Variants in SPOCK3 observed in about 807,000 individuals in gnomAD.
SPOCK3 encodes the protein SPARC (osteonectin), cwcv and kazal like domains proteoglycan 3.
Under a neutral mutation model 56.6 loss-of-function variants are expected in SPOCK3, and 30 were observed. The observed-to-expected ratio is 0.53, with a 90% CI of 0.40 to 0.72. The LOEUF is 0.72. SPOCK3 is among the 30% of genes least tolerant of loss of function. The probability of loss-of-function intolerance (pLI) is 0.00; values close to 1 mark genes in which losing one functional copy is unlikely to be tolerated. For missense variants in SPOCK3, 527 were observed against 530.0 expected, an observed-to-expected ratio of 0.99 and a Z score of 0.06; for synonymous variants, 196 against 183.3, an observed-to-expected ratio of 1.07 and a Z score of -0.56.
intron 4 of SPOCK3, among the ~76,000 whole-genome samples, chr4:166,927,701 A>T (rs1383885055): frequency 6.6e-6 from 1 of 152,160 alleles, no homozygotes; most frequent in Non-Finnish European, 1.5e-5. Flanking sequence ...AAGAGGTATG[A>T]TCCATGAAAG....
chr4:166,883,755 CTTTCT>C (rs1247931142), intron 6 of SPOCK3, among the ~76,000 whole-genome samples: 5 of 152,158 alleles, frequency 3.3e-5, no homozygotes, highest in African/African-American at 1.2e-4. Flanking sequence ...ATTAAAACTG[CTTTCT>C]TTTAACAGTG....
chr4:166,972,879 A>C (rs2558146), intron 4 of SPOCK3, among the ~76,000 whole-genome samples: 99,081 of 151,970 alleles, frequency 0.65, 34,063 homozygotes, highest in East Asian at 0.85. Context: ...CTTGATTTTC[A>C]TCACACTAAA....
chr4:166,788,346 G>T (rs1740962302), intron 7 of SPOCK3, among the ~76,000 whole-genome samples: 3 of 151,888 alleles, frequency 2.0e-5, no homozygotes, highest in Non-Finnish European at 2.9e-5. Flanking sequence ...AAATGTTAGA[G>T]GTATGTTAGA....
At chr4:166,825,490 G>C (rs187236298) in intron 6 of SPOCK3, among the ~76,000 whole-genome samples, 1 of 152,110 alleles carries the variant, frequency 6.6e-6, no homozygotes, top group East Asian at 1.9e-4. Context: ...ATTCCTTAAA[G>C]AACTAAAAGT....
chr4:166,944,718 T>C (rs1388570003), intron 4 of SPOCK3, among the ~76,000 whole-genome samples: 1 of 149,390 alleles, frequency 6.7e-6, no homozygotes, highest in Non-Finnish European at 1.5e-5. Context: ...CACATCTTCT[T>C]ATGTGGCTCA....
chr4:166,761,921 A>AAG lies in SPOCK3; in HGVS notation c.710-7194_710-7193dup, dbSNP rs1553964193. On this transcript the variant is annotated intron_variant, in intron 7 of 10. Coordinates refer to ENST00000357545, the MANE Select transcript of SPOCK3 (RefSeq NM_001040159.2). Reference sequence around the variant, plus strand: ...AAAAAAAAAAAAAAAAAAAAAAAAAAAGAGATTTGGGGGCTTGAAAAATTT... The same window carrying AAG: ...AAAAAAAAAAAAAAAAAAAAAAAAAAAGAGAGATTTGGGGGCTTGAAAAATTT... Among the ~76,000 whole-genome samples the AAG allele has an allele frequency of 4.0e-5, 6 of 150,762 alleles. 2 individuals are homozygous for AAG. The highest frequency in any genetic ancestry group is 7.4e-5 in the Non-Finnish European group (5 of 67,816).
intron 3 of SPOCK3, among the ~76,000 whole-genome samples, chr4:167,048,599 T>A (rs779605079): frequency 6.6e-6 from 1 of 152,118 alleles, no homozygotes; most frequent in Non-Finnish European, 1.5e-5. Flanking sequence ...ACATAAATTA[T>A]GAAAGAATAT....
chr4:167,127,731 A>G (rs555848592), intron 2 of SPOCK3, among the ~76,000 whole-genome samples: 8 of 152,288 alleles, frequency 5.3e-5, no homozygotes, highest in Non-Finnish European at 1.0e-4. Flanking sequence ...CACAGCCTGG[A>G]AAATTTCTTA....
At chr4:167,117,534 A>T (rs1006289984) in intron 2 of SPOCK3, among the ~76,000 whole-genome samples, 5 of 152,162 alleles carry the variant, frequency 3.3e-5, no homozygotes, top group African/African-American at 1.2e-4. Flanking sequence ...ACAGACCTTC[A>T]TGAAGAGTTA....
chr4:166,741,432 A>T (rs1386393843), intron 9 of SPOCK3, among the ~76,000 whole-genome samples: 1 of 152,238 alleles, frequency 6.6e-6, no homozygotes, highest in East Asian at 1.9e-4. Context: ...TTATAAGAAT[A>T]AACCACTCAT....
chr4:166,941,502 TAC>T (rs1255121005), intron 4 of SPOCK3, among the ~76,000 whole-genome samples: 3 of 152,338 alleles, frequency 2.0e-5, no homozygotes, highest in Non-Finnish European at 1.5e-5. Flanking sequence ...TTTTTTGTAA[TAC>T]AGTGTTGTCC....
At chr4:167,162,046 A>T (rs866711576) in intron 2 of SPOCK3, among the ~76,000 whole-genome samples, 8 of 152,086 alleles carry the variant, frequency 5.3e-5, no homozygotes, top group Middle Eastern at 3.4e-3. Flanking sequence ...ATAATAATAA[A>T]AAAAAAGAAG....
intron 6 of SPOCK3, among the ~76,000 whole-genome samples, chr4:166,862,694 C>A (rs973311431): frequency 6.6e-6 from 1 of 151,866 alleles, no homozygotes; most frequent in South Asian, 2.1e-4. Context: ...GATTTTTCCC[C>A]TTTTCTAGCA....
chr4:166,997,324 A>G (rs1432609152), intron 4 of SPOCK3, among the ~76,000 whole-genome samples: 2 of 152,140 alleles, frequency 1.3e-5, no homozygotes, highest in Non-Finnish European at 2.9e-5. Context: ...AAAATAAAAT[A>G]AAATAAAATA....
chr4:167,068,776 C>A (rs1756398982), intron 2 of SPOCK3, among the ~76,000 whole-genome samples: 1 of 151,750 alleles, frequency 6.6e-6, no homozygotes, highest in African/African-American at 2.4e-5. Flanking sequence ...TTGAGTGGTA[C>A]ACAGCTTGTG....
chr4:167,046,010 C>A (rs1374096870), intron 3 of SPOCK3, among the ~76,000 whole-genome samples: 1 of 152,128 alleles, frequency 6.6e-6, no homozygotes. Context: ...CAACAAATCC[C>A]TCGATTTTCC....
At chr4:166,754,069 T>C (rs1736750798) in intron 8 of SPOCK3, 1 of 951,900 alleles carries the variant, frequency 1.1e-6, no homozygotes, top group Non-Finnish European at 1.3e-6. Context: ...AAAATAACTT[T>C]ATGGTGAATG....
At chr4:166,856,248 G>A (rs1730650285) in intron 6 of SPOCK3, among the ~76,000 whole-genome samples, 1 of 152,032 alleles carries the variant, frequency 6.6e-6, no homozygotes, top group Non-Finnish European at 1.5e-5. Flanking sequence ...CCATTAGATA[G>A]GAGAAATAGT....
At chr4:167,131,826 T>C (rs1346538761) in intron 2 of SPOCK3, among the ~76,000 whole-genome samples, 1 of 152,192 alleles carries the variant, frequency 6.6e-6, no homozygotes, top group Non-Finnish European at 1.5e-5. Flanking sequence ...AGAGAAATTA[T>C]GAGAAACAGA....
Sources: gnomAD v4.1 joint callset for allele counts (sites outside exome capture counted in the v4.1 genomes callset) on GRCh38, gnomAD v4.1.1 for gene constraint, MANE v1.5 for transcripts, NCBI Gene and HGNC (gene_info 2026-07-23, HGNC 2026-07-21) for gene names.